Variants in AFF2 observed in about 807,000 individuals in gnomAD.
The protein encoded by AFF2 is ALF transcription elongation factor 2.
A neutral mutation model predicts 76.9 loss-of-function variants in AFF2; 14 were observed. That is an observed-to-expected ratio of 0.18 (90% CI 0.12 to 0.28). The LOEUF is 0.28. AFF2 is among the 10% of genes least tolerant of loss of function. The pLI, the probability that AFF2 is intolerant of heterozygous loss-of-function variation, is 1.00. For synonymous variants in AFF2, 398 were observed against 366.7 expected (o/e 1.09, Z -0.98); for missense variants, 868 against 1,001.1 (o/e 0.87, Z 1.79).
At position 148,650,427 on chromosome X, in the gene AFF2, C is replaced by A. The variant is rs2124455011; in HGVS notation, c.48-1572C>A. ...GACCAGGCAAGGCCTAGATATGGGG[C>A]CCTGGCTTTGGGTAGGACTCTGAAG... On this transcript the variant is annotated intron_variant, in intron 1 of 20. Coordinates refer to ENST00000370460, the MANE Select transcript of AFF2 (RefSeq NM_002025.4). Among the ~76,000 whole-genome samples the A allele has an allele frequency of 3.6e-5, 4 of 111,701 alleles. 1 individual carries two copies. In the Middle Eastern group the frequency reaches 0.014, roughly 388 times the overall value.
At chrX:148,749,541 A>G (rs1452650668) in intron 3 of AFF2, among the ~76,000 whole-genome samples, 2 of 111,758 alleles carry the variant, frequency 1.8e-5, no homozygotes, top group African/African-American at 6.5e-5. Context: ...TCTGCTATAT[A>G]TTGAGTGCCT....
At chrX:148,723,252 T>G (rs1252979803) in intron 3 of AFF2, among the ~76,000 whole-genome samples, 1 of 112,023 alleles carries the variant, frequency 8.9e-6, no homozygotes, top group Non-Finnish European at 1.9e-5. Context: ...GAGTTACCTC[T>G]GAGATGATTG....
At chrX:148,502,576 T>A (rs1484054691) in intron 1 of AFF2, among the ~76,000 whole-genome samples, 1 of 112,864 alleles carries the variant, frequency 8.9e-6, no homozygotes, top group East Asian at 2.8e-4. Context: ...ATTGTTACAT[T>A]AAAAAATGCT....
intron 1 of AFF2, among the ~76,000 whole-genome samples, chrX:148,631,008 G>A (rs1427290361): frequency 8.9e-6 from 1 of 112,245 alleles, no homozygotes; most frequent in Non-Finnish European, 1.9e-5. Flanking sequence ...CTGCTTCCAA[G>A]TATTTGTCAA....
At chrX:148,931,330 C>T (rs1557284397) in intron 9 of AFF2, among the ~76,000 whole-genome samples, 1 of 106,936 alleles carries the variant, frequency 9.4e-6, no homozygotes, top group Non-Finnish European at 1.9e-5. Flanking sequence ...TGAGTTATTT[C>T]ATAGTATCTG....
intron 9 of AFF2, among the ~76,000 whole-genome samples, chrX:148,906,267 G>T (rs142069162): frequency 1.8e-5 from 2 of 111,694 alleles, no homozygotes; most frequent in East Asian, 2.8e-4. Flanking sequence ...GACATCAAAG[G>T]CATCCCTCTT....
chrX:148,597,924 A>G (rs1160436749), intron 1 of AFF2, among the ~76,000 whole-genome samples: 1 of 112,498 alleles, frequency 8.9e-6, no homozygotes, highest in African/African-American at 3.2e-5. Flanking sequence ...TAAAGGTTTC[A>G]TCTATTAACA....
chrX:148,594,083 A>G (rs1196175026), intron 1 of AFF2, among the ~76,000 whole-genome samples: 1 of 111,161 alleles, frequency 9.0e-6, no homozygotes, highest in Non-Finnish European at 1.9e-5. Context: ...AGGAGTAAAA[A>G]GAATAGGCTG....
intron 9 of AFF2, among the ~76,000 whole-genome samples, chrX:148,937,699 GA>G (rs1557285167): frequency 1.8e-5 from 2 of 111,828 alleles, no homozygotes; most frequent in Non-Finnish European, 3.8e-5. Flanking sequence ...CCAGGATTCA[GA>G]TGGTGCACAA....
intron 12 of AFF2, among the ~76,000 whole-genome samples, chrX:148,960,026 A>G (rs1319186688): frequency 8.9e-6 from 1 of 112,505 alleles, no homozygotes; most frequent in East Asian, 2.8e-4. Flanking sequence ...ATAAAGGCCT[A>G]GTCATTTGAG....
intron 3 of AFF2, among the ~76,000 whole-genome samples, chrX:148,752,991 C>A (rs782308129): frequency 4.5e-5 from 5 of 111,275 alleles, no homozygotes; most frequent in Non-Finnish European, 7.5e-5. Flanking sequence ...TCCTCCCTTC[C>A]CAGGACACAT....
intron 16 of AFF2, 107 bp from the exon 17 acceptor site, chrX:148,977,826 A>G: frequency 1.7e-6 from 1 of 587,424 alleles, no homozygotes; most frequent in Non-Finnish European, 2.9e-6. Flanking sequence ...CCTCTTGCCC[A>G]GAACAAATGT....
chrX:148,794,065 C>T (rs1557270172), intron 3 of AFF2, among the ~76,000 whole-genome samples: 2 of 112,216 alleles, frequency 1.8e-5, no homozygotes, highest in Non-Finnish European at 3.8e-5. Context: ...TTAATGCTTT[C>T]GGCCTCTGCT....
chrX:148,924,092 C>T (rs923282177), intron 9 of AFF2, among the ~76,000 whole-genome samples: 4 of 111,954 alleles, frequency 3.6e-5, no homozygotes, highest in Middle Eastern at 4.6e-3. Context: ...GAAATGATCA[C>T]CAGATTTTTA....
At chrX:148,543,040 G>A (rs1557237711) in intron 1 of AFF2, among the ~76,000 whole-genome samples, 1 of 111,701 alleles carries the variant, frequency 9.0e-6, no homozygotes, top group Non-Finnish European at 1.9e-5. Flanking sequence ...AAACCTTCCT[G>A]ATGACTTACC....
At chrX:148,832,374 G>C (rs935334232) in intron 4 of AFF2, among the ~76,000 whole-genome samples, 6 of 112,280 alleles carry the variant, frequency 5.3e-5, no homozygotes, top group Non-Finnish European at 9.4e-5. Flanking sequence ...TTTTATTTGA[G>C]CCACTCAGCT....
chrX:148,620,641 T>C (rs2053858072), intron 1 of AFF2, among the ~76,000 whole-genome samples: 1 of 110,791 alleles, frequency 9.0e-6, no homozygotes, highest in Non-Finnish European at 1.9e-5. Flanking sequence ...CTAATACTAA[T>C]TTTGAGCATG....
At chrX:148,600,906 G>T (rs1347092733) in intron 1 of AFF2, among the ~76,000 whole-genome samples, 2 of 112,237 alleles carry the variant, frequency 1.8e-5, no homozygotes, top group African/African-American at 3.2e-5. Flanking sequence ...AAATGCAAAG[G>T]CTCTGAGGTA....
chrX:148,762,199 C>T (rs782249282), intron 3 of AFF2, among the ~76,000 whole-genome samples: 1 of 109,470 alleles, frequency 9.1e-6, no homozygotes, highest in South Asian at 3.9e-4. Flanking sequence ...CTCACCCTCT[C>T]CTACCCTTTC....
Sources: allele counts gnomAD v4.1 joint callset (sites outside exome capture counted in the v4.1 genomes callset), GRCh38; gene constraint gnomAD v4.1.1; transcripts MANE v1.5; gene names NCBI Gene and HGNC (gene_info 2026-07-23, HGNC 2026-07-21).